The following USP48 variants were observed in gnomAD, a reference collection of about 807,000 sequenced individuals.
The protein encoded by USP48 is ubiquitin specific peptidase 48.
In USP48, 43 loss-of-function variants were observed where a neutral mutation model predicts 150.7. That is an observed-to-expected ratio of 0.29 (90% CI 0.22 to 0.37). The LOEUF is 0.37. USP48 is among the 10% of genes least tolerant of loss of function. The pLI is 1.00. For synonymous variants in USP48, 396 were observed against 425.9 expected (o/e 0.93, Z 0.86); for missense variants, 813 against 1,249.6 (o/e 0.65, Z 5.27).
intron 6 of USP48, among the ~76,000 whole-genome samples, chr1:21,749,138 G>A (rs186160088): frequency 3.9e-5 from 6 of 152,108 alleles, no homozygotes; most frequent in African/African-American, 7.2e-5. Flanking sequence ...ATAGCTAACC[G>A]AAGACTCAAA....
Position 21,761,212 on chromosome 1 carries a change from T to A in USP48, c.135-3429A>T, listed in dbSNP as rs757747304. On this transcript the variant is annotated intron_variant, in intron 1 of 26. Coordinates refer to ENST00000308271, the MANE Select transcript of USP48 (RefSeq NM_032236.8). ...TTTGTTTAGATAGAAGAGTACATTATAAACTGGAAACAACCTTATCGGCAA... is the reference window on the plus strand; with the variant it reads ...TTTGTTTAGATAGAAGAGTACATTAAAAACTGGAAACAACCTTATCGGCAA... 4.1e-4 allele frequency among the ~76,000 whole-genome samples: 62 copies of A among 152,104 alleles called. 1 individual carries two copies. The highest frequency in any genetic ancestry group is 7.3e-5 in the Non-Finnish European group (5 of 68,030).
intron 13 of USP48, 58 bp from the exon 14 acceptor site, chr1:21,721,224 C>T (rs2097720022): frequency 1.7e-5 from 27 of 1,586,532 alleles, no homozygotes; most frequent in South Asian, 9.1e-5. Context: ...ACTGTCCTCC[C>T]TTCTTTGCCT....
chr1:21,692,273 G>A (rs562532760), intron 23 of USP48, among the ~76,000 whole-genome samples: 1 of 152,186 alleles, frequency 6.6e-6, no homozygotes, highest in African/African-American at 2.4e-5. Flanking sequence ...GCAATAAGCA[G>A]GAGTACTGAC....
intron 1 of USP48, among the ~76,000 whole-genome samples, chr1:21,773,387 A>C (rs2097888033): frequency 6.6e-6 from 1 of 151,526 alleles, no homozygotes; most frequent in Non-Finnish European, 1.5e-5. Flanking sequence ...AGGAGAAGGG[A>C]CACAGTGGCT....
At chr1:21,705,235 G>A (rs889586965) in intron 19 of USP48, among the ~76,000 whole-genome samples, 1 of 152,032 alleles carries the variant, frequency 6.6e-6, no homozygotes, top group Admixed American at 6.6e-5. Context: ...TGGTAAAATC[G>A]GGAGAAATTC....
chr1:21,681,096 G>C (rs575079042), intron 25 of USP48: 239 of 319,454 alleles, frequency 7.5e-4, no homozygotes, highest in Middle Eastern at 1.9e-3. Context: ...CCTAGTGCAC[G>C]ACTCTAGGAG....
At chr1:21,709,496 A>G (rs1198581421) in intron 15 of USP48, among the ~76,000 whole-genome samples, 1 of 152,182 alleles carries the variant, frequency 6.6e-6, no homozygotes, top group African/African-American at 2.4e-5. Context: ...CAACGTAACC[A>G]TAAAAAAGAT....
intron 12 of USP48, among the ~76,000 whole-genome samples, chr1:21,722,571 ATGG>A (rs941793047): frequency 2.1e-4 from 32 of 151,228 alleles, no homozygotes; most frequent in Middle Eastern, 3.4e-3. Flanking sequence ...GGGGCCAGAT[ATGG>A]TGGCCCATTC....
At chr1:21,752,439 A>G in intron 5 of USP48, 88 bp downstream of exon 5, 2 of 1,485,970 alleles carry the variant, frequency 1.3e-6, no homozygotes, top group Non-Finnish European at 1.8e-6. Context: ...CACTAAAGCT[A>G]CAACCTGGAA....
chr1:21,734,181 C>G (rs2097763529), intron 9 of USP48, among the ~76,000 whole-genome samples: 1 of 152,194 alleles, frequency 6.6e-6, no homozygotes, highest in South Asian at 2.1e-4. Flanking sequence ...CAAGGATCGT[C>G]TAAGGGCAGG....
chr1:21,741,646 G>C (rs1257886968), intron 8 of USP48, among the ~76,000 whole-genome samples: 1 of 152,172 alleles, frequency 6.6e-6, no homozygotes, highest in Non-Finnish European at 1.5e-5. Context: ...AAGATAGTCT[G>C]TAAGTTTCTT....
chr1:21,722,765 G>A (rs1273806172), intron 12 of USP48, among the ~76,000 whole-genome samples: 1 of 151,680 alleles, frequency 6.6e-6, no homozygotes, highest in African/African-American at 2.4e-5. Flanking sequence ...GCCTGAGGAG[G>A]TTGAAGCTGC....
intron 25 of USP48, among the ~76,000 whole-genome samples, chr1:21,681,406 C>T (rs1194794405): frequency 6.6e-6 from 1 of 151,982 alleles, no homozygotes; most frequent in Non-Finnish European, 1.5e-5. Flanking sequence ...GGATTACAGG[C>T]ACCCACCACC....
intron 22 of USP48, 123 bp from the exon 23 acceptor site, chr1:21,695,344 A>G (rs747493688): frequency 7.8e-5 from 81 of 1,035,314 alleles, no homozygotes; most frequent in Non-Finnish European, 1.1e-4. Flanking sequence ...TTGAAATTCA[A>G]TGTAAACAAT....
intron 25 of USP48, among the ~76,000 whole-genome samples, chr1:21,682,240 C>T (rs949739023): frequency 2.6e-5 from 4 of 152,136 alleles, no homozygotes; most frequent in African/African-American, 4.8e-5. Flanking sequence ...CAGGATCTTG[C>T]GGGCACTGCT....
At chr1:21,727,375 T>C (rs988049399) in intron 11 of USP48, among the ~76,000 whole-genome samples, 4 of 152,328 alleles carry the variant, frequency 2.6e-5, no homozygotes, top group African/African-American at 9.6e-5. Context: ...AAGCATATTC[T>C]AAGAACATAA....
chr1:21,723,238 G>T (rs1180315345), intron 12 of USP48, among the ~76,000 whole-genome samples: 1 of 152,238 alleles, frequency 6.6e-6, no homozygotes. Context: ...ACCATAGCTG[G>T]GCGGGTGTGG....
intron 1 of USP48, among the ~76,000 whole-genome samples, chr1:21,771,667 C>A (rs1238351579): frequency 1.3e-5 from 2 of 151,916 alleles, no homozygotes; most frequent in Admixed American, 6.6e-5. Flanking sequence ...CACCTATAAT[C>A]CCAACACTTT....
chr1:21,763,223 A>G (rs2097854155), intron 1 of USP48, among the ~76,000 whole-genome samples: 1 of 151,534 alleles, frequency 6.6e-6, no homozygotes, highest in South Asian at 2.1e-4. Flanking sequence ...TTCTTAAATT[A>G]ATTGCTTGCT....
Sources: allele counts gnomAD v4.1 joint callset (sites outside exome capture counted in the v4.1 genomes callset), GRCh38; gene constraint gnomAD v4.1.1; transcripts MANE v1.5; gene names NCBI Gene and HGNC (gene_info 2026-07-23, HGNC 2026-07-21).